Variants in IFTAP observed in about 807,000 individuals in gnomAD.
The protein encoded by IFTAP is intraflagellar transport associated protein, also known as intraflagellar transport-associated protein.
A neutral mutation model predicts 19.4 loss-of-function variants in IFTAP; 19 were observed. That is an observed-to-expected ratio of 0.98 (90% confidence interval 0.68 to 1.44). The LOEUF (loss-of-function observed/expected upper bound fraction) is 1.44. IFTAP is among the 40% of genes most tolerant of loss of function. The pLI is 0.00. For missense variants in IFTAP, 240 were observed against 253.6 expected (o/e 0.95, Z 0.36); for synonymous variants, 85 against 83.5 (o/e 1.02, Z -0.10).
intron 1 of IFTAP, among the ~76,000 whole-genome samples, chr11:36,596,144 C>G (rs1450361997): frequency 6.7e-6 from 1 of 148,310 alleles, no homozygotes; most frequent in Non-Finnish European, 1.5e-5. Flanking sequence ...TCTAATTTAT[C>G]TTTATTCCTC....
chr11:36,603,489 C>T (rs141241368), intron 1 of IFTAP, among the ~76,000 whole-genome samples: 1,574 of 152,258 alleles, frequency 0.01, 27 homozygotes, highest in African/African-American at 0.036. Flanking sequence ...GATGAATTCA[C>T]AGGAGGTTCC....
intron 1 of IFTAP, among the ~76,000 whole-genome samples, chr11:36,605,033 A>G (rs1405758290): frequency 1.3e-5 from 2 of 151,516 alleles, no homozygotes; most frequent in Non-Finnish European, 2.9e-5. Flanking sequence ...CTGCAGTTAG[A>G]GTGCAGTTTG....
intron 1 of IFTAP, chr11:36,598,405 G>C (rs894703484): frequency 1.3e-5 from 2 of 151,990 alleles, no homozygotes; most frequent in Non-Finnish European, 2.9e-5. Context: ...TTCACTATTT[G>C]TACAGATAAA....
Position 36,603,645 on chromosome 11 carries a change from G to C in IFTAP, c.-23-6436G>C, listed in dbSNP as rs117428479. Among the ~76,000 whole-genome samples the C allele has an allele frequency of 1.0e-3, 155 of 152,246 alleles. 3 individuals are homozygous for C. In the East Asian group the frequency reaches 0.017, roughly 17 times the overall value. The stretch of plus-strand genomic sequence containing the variant: ...GTATAGAATATGTAAATTACAGCCA[G>C]GCACAGTGGCTTATGCCTGTAATCC... On this transcript the variant is annotated intron_variant, in intron 1 of 5. Transcript: ENST00000334307.
At chr11:36,655,970 TA>T (rs965157769) in intron 5 of IFTAP, among the ~76,000 whole-genome samples, 1 of 152,180 alleles carries the variant, frequency 6.6e-6, no homozygotes, top group African/African-American at 2.4e-5. Context: ...TAAATGTATT[TA>T]AAAAAAACTT....
At chr11:36,618,686 A>T (rs1310081289) in intron 2 of IFTAP, among the ~76,000 whole-genome samples, 2 of 152,038 alleles carry the variant, frequency 1.3e-5, no homozygotes, top group African/African-American at 4.8e-5. Context: ...CAGAAGGGAG[A>T]GCCTGAGAAG....
intron 1 of IFTAP, among the ~76,000 whole-genome samples, chr11:36,603,088 T>C (rs1851568065): frequency 6.6e-6 from 1 of 152,178 alleles, no homozygotes; most frequent in Non-Finnish European, 1.5e-5. Context: ...AGTGAGTCAA[T>C]GCAGACATTT....
chr11:36,645,967 C>T (rs1305271339), intron 4 of IFTAP, among the ~76,000 whole-genome samples: 1 of 152,124 alleles, frequency 6.6e-6, no homozygotes, highest in African/African-American at 2.4e-5. Flanking sequence ...ATGTTAGGCA[C>T]TAATAGATAT....
intron 2 of IFTAP, among the ~76,000 whole-genome samples, chr11:36,611,008 T>A (rs1851858365): frequency 6.6e-6 from 1 of 152,120 alleles, no homozygotes; most frequent in African/African-American, 2.4e-5. Context: ...TGATTTGTGT[T>A]TTTTTTGGGG....
intron 2 of IFTAP, among the ~76,000 whole-genome samples, chr11:36,621,625 G>T (rs1187398715): frequency 6.6e-6 from 1 of 151,954 alleles, no homozygotes; most frequent in Non-Finnish European, 1.5e-5. Flanking sequence ...GTTGAGTTTA[G>T]TCCCTAATTA....
chr11:36,607,751 G>A lies in IFTAP; in HGVS notation c.-23-2330G>A, dbSNP rs141026258. 2.0e-3 allele frequency among the ~76,000 whole-genome samples: 300 copies of A among 152,068 alleles called. 1 individual carries two copies. Among genetic ancestry groups the A allele is most frequent in the African/African-American group, 6.6e-3 (274 of 41,444 alleles). ...TGCAATGGTGTGATCTGGGCTCATCGCAACCTCTGCCTCCCAGGTTCAAGC... is the reference window on the plus strand; with the variant it reads ...TGCAATGGTGTGATCTGGGCTCATCACAACCTCTGCCTCCCAGGTTCAAGC... On this transcript the variant is annotated intron_variant, in intron 1 of 5. Coordinates refer to ENST00000334307, the MANE Select transcript of IFTAP (RefSeq NM_138787.4).
chr11:36,654,725 G>A (rs1445850867), intron 5 of IFTAP, among the ~76,000 whole-genome samples: 2 of 151,780 alleles, frequency 1.3e-5, no homozygotes, highest in South Asian at 2.1e-4. Flanking sequence ...ATCTTTACCT[G>A]CTTCCCTTTC....
intron 1 of IFTAP, chr11:36,595,287 A>G (rs964713172): frequency 6.6e-6 from 1 of 152,198 alleles, no homozygotes; most frequent in Non-Finnish European, 1.5e-5. Context: ...GTAAGCAGGG[A>G]CTAAGCATAG....
chr11:36,644,840 G>C (rs1853409091), intron 4 of IFTAP, among the ~76,000 whole-genome samples: 2 of 137,748 alleles, frequency 1.5e-5, no homozygotes, highest in Admixed American at 7.7e-5. Flanking sequence ...TCACACACTG[G>C]GGTCTGTCGT....
chr11:36,655,589 T>C (rs1222479272), intron 5 of IFTAP, among the ~76,000 whole-genome samples: 1 of 152,212 alleles, frequency 6.6e-6, no homozygotes, highest in Non-Finnish European at 1.5e-5. Context: ...AGGCTATTCC[T>C]CTGACATTTC....
At chr11:36,632,573 C>T (rs1337473377) in intron 2 of IFTAP, among the ~76,000 whole-genome samples, 1 of 151,316 alleles carries the variant, frequency 6.6e-6, no homozygotes, top group African/African-American at 2.5e-5. Context: ...ATGCTTTCCT[C>T]AGCCTAAGTA....
intron 2 of IFTAP, among the ~76,000 whole-genome samples, chr11:36,611,686 A>G (rs1414773342): frequency 6.6e-6 from 1 of 152,132 alleles, no homozygotes; most frequent in East Asian, 1.9e-4. Flanking sequence ...CAAAAAACAT[A>G]GATGTGGTGA....
chr11:36,618,714 C>T (rs1852188011), intron 2 of IFTAP, among the ~76,000 whole-genome samples: 1 of 151,938 alleles, frequency 6.6e-6, no homozygotes, highest in African/African-American at 2.4e-5. Flanking sequence ...TGTAATGATG[C>T]TCAAGTTTGG....
At chr11:36,638,929 G>A (rs916426692) in intron 4 of IFTAP, among the ~76,000 whole-genome samples, 7 of 152,278 alleles carry the variant, frequency 4.6e-5, no homozygotes, top group African/African-American at 1.7e-4. Context: ...TTTTTCAGTG[G>A]AGCCAACTCT....
Sources: gnomAD v4.1 joint callset for allele counts (sites outside exome capture counted in the v4.1 genomes callset) on GRCh38, gnomAD v4.1.1 for gene constraint, MANE v1.5 for transcripts, NCBI Gene and HGNC (gene_info 2026-07-23, HGNC 2026-07-21) for gene names.